CADPS: variants seen among roughly 807,000 people sequenced by gnomAD.
The protein encoded by CADPS is calcium dependent secretion activator, also known as calcium-dependent secretion activator 1.
Under a neutral mutation model 167.3 loss-of-function variants are expected in CADPS, and 57 were observed. That is an observed-to-expected ratio of 0.34 (90% confidence interval 0.28 to 0.42). The LOEUF (loss-of-function observed/expected upper bound fraction) is 0.42. Ranked by LOEUF, CADPS falls within the 20% of genes least tolerant of loss-of-function variation. CADPS has a pLI of 1.00. For missense variants in CADPS, 1,414 were observed against 1,738.1 expected, an observed-to-expected ratio of 0.81 and a Z score of 3.32; for synonymous variants, 676 against 635.3, an observed-to-expected ratio of 1.06 and a Z score of -0.96.
chr3:62,422,018 A>G (rs1045931794), intron 28 of CADPS, among the ~76,000 whole-genome samples: 1 of 152,238 alleles, frequency 6.6e-6, no homozygotes, highest in African/African-American at 2.4e-5. Flanking sequence ...TAAATACATA[A>G]TAGCATTTCT....
intron 3 of CADPS, among the ~76,000 whole-genome samples, chr3:62,706,807 A>G (rs1377315421): frequency 6.6e-6 from 1 of 152,058 alleles, no homozygotes; most frequent in African/African-American, 2.4e-5. Context: ...TTACCTCTGA[A>G]AAGACAATAT....
At chr3:62,506,931 A>C (rs1016859943) in intron 17 of CADPS, among the ~76,000 whole-genome samples, 2 of 152,216 alleles carry the variant, frequency 1.3e-5, no homozygotes, top group Non-Finnish European at 2.9e-5. Context: ...AGCTCCAGTC[A>C]CATTAAAGAA....
intron 18 of CADPS, 138 bp from the exon 19 acceptor site, chr3:62,493,803 T>C (rs2064156099): frequency 1.4e-6 from 1 of 692,386 alleles, no homozygotes; most frequent in Non-Finnish European, 2.5e-6. Flanking sequence ...AGAGGGGAGA[T>C]GCTGGCCTGT....
At chr3:62,543,391 T>C (rs377059621) in intron 11 of CADPS, among the ~76,000 whole-genome samples, 2 of 152,188 alleles carry the variant, frequency 1.3e-5, no homozygotes, top group African/African-American at 4.8e-5. Context: ...TGCAAATACA[T>C]GTAAACTTGT....
intron 1 of CADPS, among the ~76,000 whole-genome samples, chr3:62,813,413 T>C (rs2094474092): frequency 6.7e-6 from 1 of 149,292 alleles, no homozygotes; most frequent in African/African-American, 2.6e-5. Flanking sequence ...GCTAACCATA[T>C]GCAGAAGAAC....
intron 11 of CADPS, among the ~76,000 whole-genome samples, chr3:62,537,769 G>A (rs2074991393): frequency 1.3e-5 from 2 of 151,762 alleles, no homozygotes; most frequent in Non-Finnish European, 2.9e-5. Flanking sequence ...GGGTATGGCT[G>A]TAAGCTTGGG....
chr3:62,711,046 G>A (rs2083302691), intron 3 of CADPS, among the ~76,000 whole-genome samples: 1 of 152,050 alleles, frequency 6.6e-6, no homozygotes, highest in South Asian at 2.1e-4. Flanking sequence ...GCAAAGCATT[G>A]GGATTTGTAA....
intron 6 of CADPS, among the ~76,000 whole-genome samples, chr3:62,623,939 T>A (rs959652292): frequency 4.5e-5 from 3 of 66,168 alleles, no homozygotes; most frequent in African/African-American, 1.3e-4. Flanking sequence ...CTGTTGACAA[T>A]TTTTTTTTTC....
intron 11 of CADPS, among the ~76,000 whole-genome samples, chr3:62,547,070 C>T (rs2076562231): frequency 6.6e-6 from 1 of 152,152 alleles, no homozygotes; most frequent in African/African-American, 2.4e-5. Context: ...TCTCTGATGG[C>T]TTGTAAATTA....
At chr3:62,452,386 C>A (rs1314916655) in intron 26 of CADPS, among the ~76,000 whole-genome samples, 1 of 152,064 alleles carries the variant, frequency 6.6e-6, no homozygotes, top group Admixed American at 6.6e-5. Flanking sequence ...TTGCACTAGT[C>A]GCAGTTGAGA....
At chr3:62,515,080 C>A (rs1422660397) in intron 16 of CADPS, among the ~76,000 whole-genome samples, 1 of 152,066 alleles carries the variant, frequency 6.6e-6, no homozygotes, top group Admixed American at 6.6e-5. Flanking sequence ...TAACCTAATT[C>A]TCTAAGGAAA....
In CADPS at chr3:62,433,466, C is replaced by G. The variant is rs930133881; in HGVS notation, c.3777+4638G>C. 2.0e-5 allele frequency among the ~76,000 whole-genome samples: 3 copies of G among 152,148 alleles called. No homozygotes were observed. Among genetic ancestry groups the G allele is most frequent in the Admixed American group, 6.6e-5 (1 of 15,262 alleles). On this transcript the variant is annotated intron_variant, in intron 28 of 29. Transcript: ENST00000383710. The surrounding 1 kb of genome is among the most constrained non-coding windows in gnomAD (Gnocchi z 4.7). ...TGATCTGATAACTGCCACGGAGAAG[C>G]CAAATGCAGAGTCAATCTGCAAATA...
chr3:62,833,163 T>A (rs147935480), intron 1 of CADPS, among the ~76,000 whole-genome samples: 1 of 152,116 alleles, frequency 6.6e-6, no homozygotes, highest in East Asian at 2.0e-4. Context: ...ATTCTTTGAT[T>A]GATTGATTTG....
intron 24 of CADPS, among the ~76,000 whole-genome samples, chr3:62,472,873 A>G (rs2060788921): frequency 6.6e-6 from 1 of 152,214 alleles, no homozygotes; most frequent in Non-Finnish European, 1.5e-5. Context: ...CCTTCCCCTG[A>G]AGTCAGGTTT....
intron 13 of CADPS, chr3:62,530,766 G>A: frequency 3.9e-6 from 5 of 1,288,158 alleles, no homozygotes; most frequent in Non-Finnish European, 5.1e-6. Flanking sequence ...CTCCCTTCAG[G>A]GTCTGTATTT....
At chr3:62,656,724 A>C (rs2071696969) in intron 4 of CADPS, among the ~76,000 whole-genome samples, 1 of 152,184 alleles carries the variant, frequency 6.6e-6, no homozygotes, top group Non-Finnish European at 1.5e-5. Flanking sequence ...AAATGAGAGA[A>C]AGAGGTCTTG....
chr3:62,486,778 G>A (rs987479751), intron 21 of CADPS, among the ~76,000 whole-genome samples: 2 of 152,184 alleles, frequency 1.3e-5, no homozygotes, highest in Non-Finnish European at 2.9e-5. Context: ...TTACAGTGCT[G>A]TGACTGCTCC....
chr3:62,828,504 C>A (rs933203066), intron 1 of CADPS, among the ~76,000 whole-genome samples: 1 of 152,008 alleles, frequency 6.6e-6, no homozygotes, highest in Non-Finnish European at 1.5e-5. Flanking sequence ...AAGAAAAAAA[C>A]ATGTTACCAG....
In CADPS at chr3:62,753,830, T is replaced by G; in HGVS notation, c.556-57A>C. On this transcript the variant is annotated intron_variant, in intron 2 of 29. Coordinates refer to ENST00000383710, the MANE Select transcript of CADPS (RefSeq NM_003716.4). This position sits in a 1 kb window ranked among gnomAD's most constrained non-coding sequence, Gnocchi z 4.6. Reference sequence around the variant, plus strand: ...GGAGAGTTTACCACAGAGGTACCAGTTCCCTGGGGCTGGACACTGGGCCAG... The same window carrying G: ...GGAGAGTTTACCACAGAGGTACCAGGTCCCTGGGGCTGGACACTGGGCCAG... 1.3e-6 allele frequency: 2 copies of G among 1,488,870 alleles called. No individual in the cohort carries two copies. The highest frequency in any genetic ancestry group is 1.8e-6 in the Non-Finnish European group (2 of 1,095,234). 92.2% of individuals were successfully genotyped at this position (1,488,870 alleles called of 1,614,324 possible). A position where few individuals can be genotyped will look rare whatever the true frequency, so the allele number is the denominator to read the frequency against.
Sources: allele counts gnomAD v4.1 joint callset (sites outside exome capture counted in the v4.1 genomes callset), GRCh38; gene constraint gnomAD v4.1.1; non-coding constraint Gnocchi (gnomAD v3.1); transcripts MANE v1.5; gene names NCBI Gene and HGNC (gene_info 2026-07-23, HGNC 2026-07-21).